The following CRLF2 variants were observed in gnomAD, a reference collection of about 807,000 sequenced individuals.
CRLF2 encodes cytokine receptor-like factor 2.
Under a neutral mutation model 38.7 loss-of-function variants are expected in CRLF2, and 41 were observed. The observed-to-expected ratio is 1.06, with a 90% CI of 0.83 to 1.37. The LOEUF is 1.37. Ranked by LOEUF, CRLF2 falls within the 40% of genes most tolerant of loss-of-function variation. The pLI is 0.00. For synonymous variants in CRLF2, 140 were observed against 128.8 expected (o/e 1.09, Z -0.59); for missense variants, 377 against 322.2 (o/e 1.17, Z -1.30).
At position 1,204,096 on chromosome X, in the gene CRLF2, A is replaced by AAAAAAAAAAAAAAG. The variant is rs370190016; in HGVS notation, c.350-1562_350-1561insCTTTTTTTTTTTTT. 4.3e-4 allele frequency among the ~76,000 whole-genome samples: 57 copies of AAAAAAAAAAAAAAG among 133,426 alleles called. 2 individuals carry two copies. The highest frequency in any genetic ancestry group is 1.5e-3 in the African/African-American group (54 of 36,182). 87.5% of individuals were successfully genotyped at this position (133,426 alleles called of 152,430 possible). A position where few individuals can be genotyped will look rare whatever the true frequency, so the allele number is the denominator to read the frequency against. On this transcript the variant is annotated intron_variant, in intron 3 of 7. Transcript: ENST00000400841. The stretch of plus-strand genomic sequence containing the variant: ...GAGCAAGACCCTCTCTCTCAAAAAA[A>AAAAAAAAAAAAAAG]AGAGAGAACATCCAGTGAGTGGGAT...
chrX:1,206,352 A>T, intron 3 of CRLF2, 81 bp downstream of exon 3: 1 of 1,268,450 alleles, frequency 7.9e-7, no homozygotes, highest in Non-Finnish European at 1.1e-6. Context: ...GGCGATTTGC[A>T]TGAGCTTGGT....
At chrX:1,197,919 T>C (rs1161551507) in intron 5 of CRLF2, among the ~76,000 whole-genome samples, 4 of 151,944 alleles carry the variant, frequency 2.6e-5, no homozygotes, top group African/African-American at 9.7e-5. Context: ...GGAGAATCGA[T>C]TGAACGTGGG....
intron 3 of CRLF2, among the ~76,000 whole-genome samples, chrX:1,203,415 C>T (rs1445972318): frequency 1.3e-5 from 2 of 151,526 alleles, no homozygotes; most frequent in Non-Finnish European, 2.9e-5. Context: ...ACAGTGGCCC[C>T]CAGAAACATC....
At chrX:1,193,646 G>C (rs1273129639) in intron 6 of CRLF2, among the ~76,000 whole-genome samples, 2 of 151,976 alleles carry the variant, frequency 1.3e-5, no homozygotes, top group Non-Finnish European at 1.5e-5. Flanking sequence ...GCCGGGCGTG[G>C]TGGTGGGCAC....
intron 6 of CRLF2, among the ~76,000 whole-genome samples, chrX:1,195,850 A>C (rs1204449651): frequency 1.4e-5 from 2 of 139,720 alleles, no homozygotes; most frequent in Admixed American, 7.8e-5. Flanking sequence ...ATATTTATAT[A>C]TTTTTATATA....
Position 1,208,908 on chromosome X carries a change from G to GC in CRLF2, c.80-1dup (p.Ala27GlyfsTer39). The GC allele has an allele frequency of 6.4e-7, 1 of 1,552,140 alleles. No homozygotes were observed. The highest frequency in any genetic ancestry group is 8.9e-7 in the Non-Finnish European group (1 of 1,123,774). ...GATGATCTGAATCTGTACTCCTTCT[G>GC]CTAGACACAGAGAGACGCATGAAGT... On this transcript the variant is annotated frameshift_variant and splice_region_variant. Coordinates refer to ENST00000400841, the MANE Select transcript of CRLF2 (RefSeq NM_022148.4). LOFTEE classifies it high-confidence loss of function.
At chrX:1,198,310 A>G (rs867168486) in intron 5 of CRLF2, among the ~76,000 whole-genome samples, 35 of 95,520 alleles carry the variant, frequency 3.7e-4, no homozygotes, top group African/African-American at 8.9e-4. Context: ...CCCACCTCCC[A>G]GGAAGGCAGG....
intron 3 of CRLF2, among the ~76,000 whole-genome samples, chrX:1,204,409 A>G (rs1485207509): frequency 2.6e-5 from 4 of 151,322 alleles, no homozygotes; most frequent in Admixed American, 6.6e-5. Context: ...TGTATTTTTA[A>G]TAGAGATGGA....
chrX:1,196,662 T>C (rs1369439471), intron 6 of CRLF2, 118 bp downstream of exon 6: 3 of 1,281,874 alleles, frequency 2.3e-6, no homozygotes, highest in Admixed American at 2.6e-5. Flanking sequence ...AGAGTGGGCA[T>C]TGTATGGAAA....
rs1408732444 is a variant in CRLF2 at position 1,198,147 on chromosome X, TCCCACC to T, written c.646+409_646+414del. ...TCCTGGGAAGGCAGGACACCCTCCC[TCCCACC>T]TCGAAGGCAGGACACCCTCCCTCCC... On this transcript the variant is annotated intron_variant, in intron 5 of 7. Coordinates refer to ENST00000400841, the MANE Select transcript of CRLF2 (RefSeq NM_022148.4). Among the ~76,000 whole-genome samples the T allele has an allele frequency of 9.7e-3, 1,359 of 140,646 alleles. 88 individuals carry two copies. The highest frequency in any genetic ancestry group is 0.031 in the African/African-American group (1,172 of 37,882). 92.3% of individuals were successfully genotyped at this position (140,646 alleles called of 152,430 possible).
chrX:1,194,319 G>A lies in CRLF2; in HGVS notation c.768-1017C>T, dbSNP rs1480575582. ...AAAACAAAATATACAAAAATTAGCC[G>A]GGTGTGGTGGCAGATGCCTGTAGTC... On this transcript the variant is annotated intron_variant, in intron 6 of 7. Transcript: ENST00000400841. Among the ~76,000 whole-genome samples the A allele has an allele frequency of 3.1e-4, 47 of 151,212 alleles. 1 individual carries two copies. The highest frequency in any genetic ancestry group is 1.9e-3 in the South Asian group (9 of 4,726).
At chrX:1,208,516 G>A (rs1263567916) in intron 2 of CRLF2, among the ~76,000 whole-genome samples, 3 of 152,046 alleles carry the variant, frequency 2.0e-5, no homozygotes, top group South Asian at 2.1e-4. Flanking sequence ...CCGAGATTGC[G>A]CCACTGCACT....
chrX:1,210,799 G>A (rs2086783635), intron 1 of CRLF2, among the ~76,000 whole-genome samples: 1 of 152,174 alleles, frequency 6.6e-6, no homozygotes, highest in Admixed American at 6.6e-5. Flanking sequence ...GACACAGATA[G>A]ATAGGGATGG....
At chrX:1,212,429 AAAAAAAAAAG>A (rs1479183205) in intron 1 of CRLF2, 117 bp downstream of exon 1, 40 of 644,508 alleles carry the variant, frequency 6.2e-5, no homozygotes, top group East Asian at 1.7e-4. Context: ...AAAAAAAAAA[AAAAAAAAAAG>A]AAAAGAAGAA....
Position 1,190,682 on chromosome X carries a change from C to T in CRLF2, c.*215G>A. 2.5e-6 allele frequency: 1 copy of T among 397,364 alleles called. No individual in the cohort carries two copies. Among genetic ancestry groups the T allele is most frequent in the Non-Finnish European group, 4.4e-6 (1 of 225,848 alleles). 24.6% of individuals were successfully genotyped at this position (397,364 alleles called of 1,614,324 possible). ...TCCTGGAGCAATTGGCTCCCATCTG[C>T]CATCAAGCCTTTGAACACAGAGACT... On this transcript the variant is annotated 3_prime_UTR_variant, in exon 8 of 8. Transcript: ENST00000400841.
At chrX:1,203,480 C>A (rs1334462163) in intron 3 of CRLF2, among the ~76,000 whole-genome samples, 1 of 152,078 alleles carries the variant, frequency 6.6e-6, no homozygotes, top group Non-Finnish European at 1.5e-5. Context: ...GAAATAGGCT[C>A]TCTGCAGATG....
Position 1,202,467 on chromosome X carries a change from C to G in CRLF2, c.418G>C (p.Asp140His). Residue 140 changes from aspartate to histidine, a missense_variant, in exon 4 of 8, where the codon GAC (aspartate) becomes CAC (histidine). By Grantham distance (81) the Asp-to-His change is moderately conservative. Transcript: ENST00000400841. ...HQDAVTVTCS[D>H]LSYGDLLYEV... ...TAGAGGAGATCCCCGTAGGACAGGT[C>G]AGAACACGTCACCGTCACTGCATCC... 1 of 1,613,698 alleles carries G rather than the reference C, an allele frequency of 6.2e-7. No individual in the cohort carries two copies.
At chrX:1,211,739 G>GATA in intron 1 of CRLF2, among the ~76,000 whole-genome samples, 1 of 86,738 alleles carries the variant, frequency 1.2e-5, no homozygotes, top group South Asian at 4.3e-4. Flanking sequence ...ATGGATGGAT[G>GATA]GATGGATAAG....
intron 6 of CRLF2, among the ~76,000 whole-genome samples, chrX:1,195,366 CT>C (rs1268117129): frequency 1.3e-5 from 2 of 152,004 alleles, no homozygotes; most frequent in Non-Finnish European, 2.9e-5. Context: ...TTGGACCATT[CT>C]TCTTGCTGCC....
Sources: gnomAD v4.1 joint callset for allele counts (sites outside exome capture counted in the v4.1 genomes callset) on GRCh38, gnomAD v4.1.1 for gene constraint, MANE v1.5 for transcripts, NCBI Gene and HGNC (gene_info 2026-07-23, HGNC 2026-07-21) for gene names.